NUBPL: variants seen among roughly 807,000 people sequenced by gnomAD.
NUBPL encodes iron-sulfur cluster transfer protein NUBPL.
NUBPL carries 31 observed loss-of-function variants against 45.7 expected under a neutral mutation model. That is an observed-to-expected ratio of 0.68 (90% CI 0.51 to 0.92). The LOEUF (loss-of-function observed/expected upper bound fraction) is 0.92, where lower values mean the gene tolerates loss of function less well. Among genes scored for constraint, NUBPL ranks in the 40% least tolerant of loss-of-function variants. The pLI is 0.00. For missense variants in NUBPL, 401 were observed against 398.7 expected, an observed-to-expected ratio of 1.01 and a Z score of -0.05; for synonymous variants, 144 against 140.9, an observed-to-expected ratio of 1.02 and a Z score of -0.15.
intron 10 of NUBPL, among the ~76,000 whole-genome samples, chr14:31,852,898 C>G (rs915951057): frequency 6.6e-6 from 1 of 152,190 alleles, no homozygotes; most frequent in African/African-American, 2.4e-5. Context: ...TCACAACGCT[C>G]TCACCAGATT....
intron 8 of NUBPL, among the ~76,000 whole-genome samples, chr14:31,838,156 C>A (rs1404064135): frequency 2.0e-5 from 3 of 151,896 alleles, no homozygotes; most frequent in Non-Finnish European, 4.4e-5. Flanking sequence ...TACCAAAGAT[C>A]CAGGCTGTGG....
intron 4 of NUBPL, among the ~76,000 whole-genome samples, chr14:31,621,755 TA>T (rs755731577): frequency 6.6e-6 from 1 of 152,360 alleles, no homozygotes; most frequent in South Asian, 2.1e-4. Flanking sequence ...CAGCAAATCC[TA>T]AACGTCTTTT....
intron 6 of NUBPL, among the ~76,000 whole-genome samples, chr14:31,753,087 C>T (rs1306866845): frequency 2.0e-5 from 3 of 152,198 alleles, no homozygotes; most frequent in Non-Finnish European, 4.4e-5. Context: ...GACACAGAAC[C>T]AAACCATATC....
intron 3 of NUBPL, among the ~76,000 whole-genome samples, chr14:31,575,049 C>G (rs2033684902): frequency 6.6e-6 from 1 of 152,046 alleles, no homozygotes. Context: ...TGATGTTTAT[C>G]TCAAAGCATT....
At chr14:31,706,684 G>C (rs573375162) in intron 6 of NUBPL, among the ~76,000 whole-genome samples, 1 of 152,206 alleles carries the variant, frequency 6.6e-6, no homozygotes, top group Non-Finnish European at 1.5e-5. Context: ...TGGTGGTTTT[G>C]GAGAGTCACT....
chr14:31,765,696 A>G (rs2038900335), intron 6 of NUBPL, among the ~76,000 whole-genome samples: 1 of 152,192 alleles, frequency 6.6e-6, no homozygotes, highest in Admixed American at 6.5e-5. Flanking sequence ...GAATAGACTC[A>G]AAAATATCTA....
intron 4 of NUBPL, among the ~76,000 whole-genome samples, chr14:31,646,073 G>A (rs2035843158): frequency 6.6e-6 from 1 of 152,034 alleles, no homozygotes; most frequent in Non-Finnish European, 1.5e-5. Context: ...GGATCTGGTG[G>A]TGGTGAATTC....
chr14:31,595,762 A>G (rs2034265936), intron 3 of NUBPL, among the ~76,000 whole-genome samples: 1 of 152,204 alleles, frequency 6.6e-6, no homozygotes, highest in African/African-American at 2.4e-5. Context: ...CACCTTTTGA[A>G]CATTACTGAA....
At chr14:31,772,918 A>G (rs958626127) in intron 6 of NUBPL, among the ~76,000 whole-genome samples, 1 of 152,172 alleles carries the variant, frequency 6.6e-6, no homozygotes, top group Non-Finnish European at 1.5e-5. Context: ...AGGATTAGAG[A>G]ACTTTTTATC....
At chr14:31,724,402 A>G (rs1321942175) in intron 6 of NUBPL, among the ~76,000 whole-genome samples, 1 of 152,196 alleles carries the variant, frequency 6.6e-6, no homozygotes, top group African/African-American at 2.4e-5. Flanking sequence ...AAGGCATTTT[A>G]TTGATTATAA....
chr14:31,761,321 C>T (rs1164728362), intron 6 of NUBPL, among the ~76,000 whole-genome samples: 1 of 152,144 alleles, frequency 6.6e-6, no homozygotes, highest in Non-Finnish European at 1.5e-5. Context: ...CAAGTAGGTG[C>T]ATGCCACCAT....
intron 6 of NUBPL, among the ~76,000 whole-genome samples, chr14:31,689,690 C>T (rs921703881): frequency 2.0e-5 from 3 of 152,104 alleles, no homozygotes; most frequent in Admixed American, 1.3e-4. Context: ...TCAATTTTTG[C>T]TTTTGTTGCG....
chr14:31,639,548 A>G (rs1257474463), intron 4 of NUBPL, among the ~76,000 whole-genome samples: 1 of 152,124 alleles, frequency 6.6e-6, no homozygotes, highest in Non-Finnish European at 1.5e-5. Flanking sequence ...GACCCACTTG[A>G]GGAGGCAGTC....
intron 3 of NUBPL, among the ~76,000 whole-genome samples, chr14:31,566,910 C>T (rs375883545): frequency 6.6e-5 from 10 of 152,008 alleles, no homozygotes; most frequent in East Asian, 1.9e-4. Flanking sequence ...TTGATTTTTC[C>T]CTAAAGCTTC....
rs552542988 is a variant in NUBPL, at chr14:31,809,089, T to G, written c.608-17540T>G. 3.0e-3 allele frequency among the ~76,000 whole-genome samples: 461 copies of G among 152,132 alleles called. 1 individual carries two copies. Among genetic ancestry groups the G allele is most frequent in the African/African-American group, 0.011 (442 of 41,516 alleles). On this transcript the variant is annotated intron_variant, in intron 7 of 10. Coordinates refer to ENST00000281081, the MANE Select transcript of NUBPL (RefSeq NM_025152.3). ...TGGTCTAAAATTCTCTTTTTTTGTTTTGTCTCTGCCAGGTTTTGGTATCAG... is the reference window on the plus strand; with the variant it reads ...TGGTCTAAAATTCTCTTTTTTTGTTGTGTCTCTGCCAGGTTTTGGTATCAG...
chr14:31,606,099 CTT>C (rs56899102), intron 4 of NUBPL, among the ~76,000 whole-genome samples: 4 of 120,516 alleles, frequency 3.3e-5, no homozygotes, highest in Admixed American at 1.9e-4. Context: ...CTTTTCTTTT[CTT>C]TTTTTTTTTT....
intron 6 of NUBPL, among the ~76,000 whole-genome samples, chr14:31,738,114 CTTATA>C (rs1379370601): frequency 6.6e-6 from 1 of 152,120 alleles, no homozygotes; most frequent in Non-Finnish European, 1.5e-5. Context: ...GTTGTCACTG[CTTATA>C]TTATAACTCA....
At chr14:31,775,890 G>A (rs888520787) in intron 6 of NUBPL, among the ~76,000 whole-genome samples, 1 of 152,146 alleles carries the variant, frequency 6.6e-6, no homozygotes, top group Non-Finnish European at 1.5e-5. Context: ...CATCTGCATA[G>A]GATCCTGGGA....
intron 6 of NUBPL, among the ~76,000 whole-genome samples, chr14:31,700,489 T>C (rs2037306713): frequency 6.6e-6 from 1 of 152,062 alleles, no homozygotes; most frequent in South Asian, 2.1e-4. Flanking sequence ...TGGGAGCCCC[T>C]CTCTGGGCTG....
Sources: gnomAD v4.1 joint callset for allele counts (sites outside exome capture counted in the v4.1 genomes callset) on GRCh38, gnomAD v4.1.1 for gene constraint, MANE v1.5 for transcripts, NCBI Gene and HGNC (gene_info 2026-07-23, HGNC 2026-07-21) for gene names.